The following ATOSA variants were observed in gnomAD, a reference collection of about 807,000 sequenced individuals.
The protein encoded by ATOSA is atos homolog A.
chr15:52,684,112 T>C, the ATOSA span, among the ~76,000 whole-genome samples: 3 of 152,248 alleles, frequency 2.0e-5, no homozygotes, highest in Non-Finnish European at 4.4e-5. Flanking sequence ...TTATTGAAGA[T>C]CCAAGGCTGT....
At chr15:52,670,276 T>A in the ATOSA span, among the ~76,000 whole-genome samples, 1 of 152,242 alleles carries the variant, frequency 6.6e-6, no homozygotes, top group African/African-American at 2.4e-5. Flanking sequence ...GTATTCTTGT[T>A]AGCAGAGGAA....
At chr15:52,685,124 A>G in the ATOSA span, among the ~76,000 whole-genome samples, 2 of 152,228 alleles carry the variant, frequency 1.3e-5, no homozygotes, top group Non-Finnish European at 2.9e-5. Context: ...TTGCTGTAGG[A>G]TTCAGTGGCT....
the ATOSA span, chr15:52,610,236 C>A: frequency 1.1e-5 from 18 of 1,613,752 alleles, no homozygotes; most frequent in Admixed American, 1.7e-5. Context: ...GAATACTGCA[C>A]GTCAAAACTG....
At chr15:52,586,287 A>G in the ATOSA span, 2 of 152,228 alleles carry the variant, frequency 1.3e-5, no homozygotes, top group Admixed American at 1.3e-4. Context: ...CACATGTTAC[A>G]TACTTCTGTT....
chr15:52,697,059 C>A, the ATOSA span, among the ~76,000 whole-genome samples: 1 of 152,168 alleles, frequency 6.6e-6, no homozygotes, highest in Non-Finnish European at 1.5e-5. Context: ...GAAGTTCTAA[C>A]AATGCTGACA....
the ATOSA span, among the ~76,000 whole-genome samples, chr15:52,683,930 T>G: frequency 6.6e-6 from 1 of 152,232 alleles, no homozygotes; most frequent in Non-Finnish European, 1.5e-5. Flanking sequence ...CCTCAAAATG[T>G]CTTTTAGAAC....
chr15:52,635,917 AC>A, the ATOSA span, among the ~76,000 whole-genome samples: 5 of 149,936 alleles, frequency 3.3e-5, no homozygotes, highest in African/African-American at 1.2e-4. Flanking sequence ...AATTGCTTGA[AC>A]CCCGGGGGCA....
chr15:52,640,571 CAAAAAAAAAAAA>C, the ATOSA span, among the ~76,000 whole-genome samples: 12 of 27,572 alleles, frequency 4.4e-4, no homozygotes, highest in Admixed American at 6.4e-3. Flanking sequence ...ACTCAAGTCT[CAAAAAAAAAAAA>C]AAAAAAAAAA....
the ATOSA span, among the ~76,000 whole-genome samples, chr15:52,699,093 A>C: frequency 3.0e-3 from 461 of 152,360 alleles, 1 homozygote; most frequent in African/African-American, 0.01. Context: ...AATGCACAGT[A>C]CTAGCATCAG....
chr15:52,663,943 T>C, the ATOSA span, among the ~76,000 whole-genome samples: 2 of 152,210 alleles, frequency 1.3e-5, no homozygotes, highest in Admixed American at 6.5e-5. Context: ...GAAATAGATA[T>C]ACGTATCTAC....
the ATOSA span, among the ~76,000 whole-genome samples, chr15:52,615,649 T>C: frequency 6.6e-6 from 1 of 152,186 alleles, no homozygotes; most frequent in Non-Finnish European, 1.5e-5. Flanking sequence ...AAGGGTATGA[T>C]GAAGAATGCT....
chr15:52,586,994 T>C, the ATOSA span: 1 of 1,433,778 alleles, frequency 7.0e-7, no homozygotes, highest in South Asian at 1.4e-5. Flanking sequence ...GGTCCCCAAA[T>C]GGTCATTCCT....
At chr15:52,612,969 A>G in the ATOSA span, among the ~76,000 whole-genome samples, 2 of 152,128 alleles carry the variant, frequency 1.3e-5, no homozygotes, top group Non-Finnish European at 2.9e-5. Flanking sequence ...AAAAAAAAAA[A>G]GGAATACAAA....
the ATOSA span, chr15:52,600,280 CT>C: frequency 0.22 from 241,275 of 1,079,158 alleles, 33,115 homozygotes; most frequent in East Asian, 0.81. Flanking sequence ...AGCCACAATA[CT>C]TTTTTTTTTA....
the ATOSA span, among the ~76,000 whole-genome samples, chr15:52,614,720 T>C: frequency 6.6e-6 from 1 of 151,724 alleles, no homozygotes; most frequent in Non-Finnish European, 1.5e-5. Flanking sequence ...TGGTGGCGCA[T>C]GTCTGTAATC....
the ATOSA span, among the ~76,000 whole-genome samples, chr15:52,670,218 A>G: frequency 9.0e-3 from 1,366 of 152,298 alleles, 19 homozygotes; most frequent in African/African-American, 0.032. Flanking sequence ...AGTTTTCAAA[A>G]CGGAGTTCTG....
At chr15:52,639,191 C>A in the ATOSA span, among the ~76,000 whole-genome samples, 2 of 151,784 alleles carry the variant, frequency 1.3e-5, no homozygotes, top group African/African-American at 4.8e-5. Context: ...AGTCTTTGGG[C>A]CTGAAAATCA....
chr15:52,609,662 C>A, the ATOSA span: 2 of 1,613,384 alleles, frequency 1.2e-6, no homozygotes, highest in African/African-American at 1.3e-5. Context: ...CCTTTTCCCA[C>A]GTTCTCATTT....
chr15:52,604,485 A>G, the ATOSA span, among the ~76,000 whole-genome samples: 64 of 152,368 alleles, frequency 4.2e-4, no homozygotes, highest in Admixed American at 9.8e-4. Context: ...TAGTTCTGCT[A>G]TACAATTTAC....
Sources: gnomAD v4.1 joint callset for allele counts (sites outside exome capture counted in the v4.1 genomes callset) on GRCh38, gnomAD v4.1.1 for gene constraint, MANE v1.5 for transcripts, NCBI Gene and HGNC (gene_info 2026-07-23, HGNC 2026-07-21) for gene names.